GCKR: variants seen among roughly 807,000 people sequenced by gnomAD.
The protein encoded by GCKR is glucokinase regulator, also known as glucokinase regulatory protein.
In GCKR, 73 loss-of-function variants were observed where a neutral mutation model predicts 82.9. The ratio of observed to expected loss-of-function variants is 0.88; its 90% CI spans 0.73 to 1.07. The LOEUF is 1.07. Among genes scored for constraint, GCKR ranks in the 50% least tolerant of loss-of-function variants. The pLI is 0.00. For synonymous variants in GCKR, 294 were observed against 291.8 expected, an observed-to-expected ratio of 1.01 and a Z score of -0.08; for missense variants, 784 against 782.1, an observed-to-expected ratio of 1.00 and a Z score of -0.03.
Position 27,522,572 on chromosome 2 carries a change from A to G in GCKR, c.1685A>G (p.Gln562Arg). 2 of 1,614,090 alleles carry G rather than the reference A, an allele frequency of 1.2e-6. No individual in the cohort carries two copies. The highest frequency in any genetic ancestry group is 1.6e-4 in the Middle Eastern group (1 of 6,062). The change falls in exon 18 of 19, where the codon CAG becomes CGG. Residue 562 changes from glutamine to arginine, a missense_variant. Gln to Arg is a conservative substitution (Grantham distance 43, BLOSUM62 1). Transcript: ENST00000264717. Reference sequence around the variant, plus strand: ...GCTGCTCCCATCTCCTGCCATGTCCAGGTTGCACATGAGAAGGAACAGGTA... The same window carrying G: ...GCTGCTCCCATCTCCTGCCATGTCCGGGTTGCACATGAGAAGGAACAGGTA... Reference protein sequence around the residue: ...IRAAPISCHVQVAHEKEQVIP... With the variant: ...IRAAPISCHVRVAHEKEQVIP...
intron 17 of GCKR, among the ~76,000 whole-genome samples, chr2:27,519,228 C>T (rs1670088826): frequency 1.3e-5 from 2 of 151,832 alleles, no homozygotes; most frequent in Admixed American, 1.3e-4. Flanking sequence ...TATAACTGAA[C>T]AATCTTAGGG....
chr2:27,510,231 G>A (rs1275039526), intron 16 of GCKR, among the ~76,000 whole-genome samples: 4 of 151,670 alleles, frequency 2.6e-5, no homozygotes, highest in East Asian at 1.9e-4. Context: ...GGATGGTCTC[G>A]ATCTTCTGAA....
intron 7 of GCKR, among the ~76,000 whole-genome samples, chr2:27,499,814 A>G (rs541378634): frequency 2.6e-4 from 39 of 148,306 alleles, no homozygotes; most frequent in African/African-American, 9.0e-4. Flanking sequence ...CTGGAGTGCA[A>G]TGGCATGATT....
intron 18 of GCKR, 144 bp from the exon 19 acceptor site, chr2:27,523,125 C>T: frequency 1.4e-6 from 1 of 715,512 alleles, no homozygotes; most frequent in Admixed American, 2.0e-5. Flanking sequence ...TCTCAAACTC[C>T]TGAACTTAAG....
intron 16 of GCKR, 66 bp downstream of exon 16, chr2:27,508,317 A>G (rs1257237439): frequency 2.7e-6 from 3 of 1,105,438 alleles, no homozygotes; most frequent in Non-Finnish European, 2.8e-6. Context: ...CCAAGAATCA[A>G]AAAACCCAAG....
intron 16 of GCKR, among the ~76,000 whole-genome samples, chr2:27,510,040 G>A (rs1331761602): frequency 1.3e-5 from 2 of 148,756 alleles, no homozygotes; most frequent in Non-Finnish European, 3.0e-5. Context: ...ATGGAGTCTC[G>A]CTCTGTCACC....
At position 27,507,996 on chromosome 2, in the gene GCKR, G is replaced by A. The variant is rs1669790834; in HGVS notation, c.1260G>A (p.Gln420=). Residue 420 remains glutamine (Q), a synonymous_variant, in exon 15 of 19, where the codon CAG becomes CAA. Transcript: ENST00000264717. ...TCCTAGACAACCTCACGGAGGTGCA[G>A]ACTATAGTGGAGCAGGTGAAAGAGA... The part of the protein sequence containing the change: ...FTLDDNLTEV[Q]TIVEQVKEKT... 6.2e-7 allele frequency: 1 copy of A among 1,613,028 alleles called. No individual in the cohort carries two copies. The highest frequency in any genetic ancestry group is 1.3e-5 in the African/African-American group (1 of 74,876).
At chr2:27,518,965 T>A in intron 17 of GCKR, 28 bp downstream of exon 17, 3 of 750,424 alleles carry the variant, frequency 4.0e-6, no homozygotes, top group Non-Finnish European at 4.6e-6. Flanking sequence ...CAGGGTTGGG[T>A]GGGACCTGGC....
intron 16 of GCKR, among the ~76,000 whole-genome samples, chr2:27,514,398 T>G (rs1017610411): frequency 3.9e-5 from 6 of 152,210 alleles, no homozygotes; most frequent in African/African-American, 1.4e-4. Flanking sequence ...TCCATTTCCA[T>G]TCATGCCTGT....
At chr2:27,506,404 C>A in intron 10 of GCKR, 77 bp from the exon 11 acceptor site, 1 of 947,940 alleles carries the variant, frequency 1.1e-6, no homozygotes, top group Non-Finnish European at 1.7e-6. Context: ...GTGCCTTCAC[C>A]TCCCCGCTCA....
At chr2:27,519,288 CCCTGTGTTG>C (rs1179944069) in intron 17 of GCKR, among the ~76,000 whole-genome samples, 1 of 151,894 alleles carries the variant, frequency 6.6e-6, no homozygotes, top group East Asian at 1.9e-4. Context: ...CTCTGTTTTC[CCCTGTGTTG>C]CTCTCATTCT....
chr2:27,507,828 G>A (rs1387385914), intron 14 of GCKR, 51 bp downstream of exon 14: 2 of 1,218,486 alleles, frequency 1.6e-6, no homozygotes, highest in Non-Finnish European at 2.4e-6. Context: ...AAATAGAATG[G>A]TTCAGAGGAG....
intron 8 of GCKR, chr2:27,501,677 C>G: frequency 4.3e-6 from 2 of 468,224 alleles, no homozygotes; most frequent in Non-Finnish European, 4.4e-6. Flanking sequence ...CCCATTCTCT[C>G]TCATCATTCC....
At chr2:27,499,512 T>C (rs758032526) in intron 7 of GCKR, 62 bp downstream of exon 7, 20 of 1,113,754 alleles carry the variant, frequency 1.8e-5, no homozygotes, top group Admixed American at 5.1e-5. Flanking sequence ...GGGAATGGAA[T>C]AGCATGGAAG....
chr2:27,499,067 A>G, intron 5 of GCKR, 75 bp from the exon 6 acceptor site: 1 of 882,302 alleles, frequency 1.1e-6, no homozygotes, highest in Non-Finnish European at 1.9e-6. Flanking sequence ...CGCATCTCTT[A>G]ATGTAGCCTG....
At chr2:27,512,305 A>G (rs1166922050) in intron 16 of GCKR, among the ~76,000 whole-genome samples, 1 of 147,458 alleles carries the variant, frequency 6.8e-6, no homozygotes, top group Non-Finnish European at 1.5e-5. Flanking sequence ...TGGGAGGCTG[A>G]GGTGGGTGGA....
At chr2:27,510,331 A>G (rs1028983852) in intron 16 of GCKR, among the ~76,000 whole-genome samples, 29 of 152,288 alleles carry the variant, frequency 1.9e-4, no homozygotes, top group African/African-American at 6.7e-4. Context: ...TTTAGTGTCA[A>G]TGTAATATTC....
At position 27,518,814 on chromosome 2, in the gene GCKR, A is replaced by G; in HGVS notation, c.1449A>G (p.Lys483=). 1 of 1,611,436 alleles carries G rather than the reference A, an allele frequency of 6.2e-7. No homozygotes were observed. The highest frequency in any genetic ancestry group is 2.2e-5 in the East Asian group (1 of 44,874). ...IQKFQRELST[K]WVLNTVSTGA... is the part of the protein sequence containing the mutation. ...AGTTCCAGCGTGAGCTAAGCACCAA[A>G]TGGGTGCTGAATACAGTGAGTACAG... Residue 483 remains lysine (K), a synonymous_variant, in exon 17 of 19, where the codon AAA becomes AAG. Transcript: ENST00000264717.
At chr2:27,502,664 A>G (rs1397966368) in intron 8 of GCKR, among the ~76,000 whole-genome samples, 3 of 152,218 alleles carry the variant, frequency 2.0e-5, no homozygotes. Context: ...GACAGGAGAC[A>G]TTTTATACAA....
Sources: gnomAD v4.1 joint callset for allele counts (sites outside exome capture counted in the v4.1 genomes callset) on GRCh38, gnomAD v4.1.1 for gene constraint, MANE v1.5 for transcripts, NCBI Gene and HGNC (gene_info 2026-07-23, HGNC 2026-07-21) for gene names.